Variants in IRF2 observed in about 807,000 individuals in gnomAD.
IRF2 encodes interferon regulatory factor 2.
A neutral mutation model predicts 40.6 loss-of-function variants in IRF2; 15 were observed. The ratio of observed to expected loss-of-function variants is 0.37; its 90% CI spans 0.25 to 0.57. The LOEUF is 0.57. IRF2 is among the 20% of genes least tolerant of loss of function. The probability of loss-of-function intolerance (pLI) is 0.77; values close to 1 mark genes in which losing one functional copy is unlikely to be tolerated. For missense variants in IRF2, 317 were observed against 455.7 expected, an observed-to-expected ratio of 0.70 and a Z score of 2.77; for synonymous variants, 151 against 165.5, an observed-to-expected ratio of 0.91 and a Z score of 0.67.
intron 1 of IRF2, among the ~76,000 whole-genome samples, chr4:184,434,727 G>A (rs12643218): frequency 0.32 from 48,983 of 152,040 alleles, 8,849 homozygotes; most frequent in South Asian, 0.46. Context: ...ATTGTGATTC[G>A]TAAGTCACGA....
intron 6 of IRF2, among the ~76,000 whole-genome samples, chr4:184,400,328 G>A (rs1050063879): frequency 2.6e-5 from 4 of 152,202 alleles, no homozygotes; most frequent in South Asian, 2.1e-4. Flanking sequence ...TAGACTTTTG[G>A]GGCTGGCTTT....
chr4:184,436,791 A>G (rs1738095612), intron 1 of IRF2, among the ~76,000 whole-genome samples: 2 of 152,218 alleles, frequency 1.3e-5, no homozygotes, highest in Admixed American at 6.5e-5. Flanking sequence ...CATAAGAGTC[A>G]CTGGTGTGTG....
intron 5 of IRF2, among the ~76,000 whole-genome samples, chr4:184,411,857 G>C (rs1737085494): frequency 6.6e-6 from 1 of 151,862 alleles, no homozygotes; most frequent in Admixed American, 6.6e-5. Flanking sequence ...CTCCTGCTTT[G>C]CTGCACCATA....
intron 2 of IRF2, 142 bp from the exon 3 acceptor site, chr4:184,419,710 T>G (rs543709965): frequency 3.2e-6 from 2 of 627,390 alleles, no homozygotes; most frequent in Admixed American, 2.9e-5. Context: ...GAAAATCTAC[T>G]GTAAACCAAA....
At chr4:184,444,530 A>G (rs76911134) in intron 1 of IRF2, among the ~76,000 whole-genome samples, 4,568 of 152,350 alleles carry the variant, frequency 0.03, 241 homozygotes, top group African/African-American at 0.1. Context: ...GTTGATATTT[A>G]ACAAATAATA....
chr4:184,392,444 GT>G (rs1423100861), intron 7 of IRF2, among the ~76,000 whole-genome samples: 3 of 152,252 alleles, frequency 2.0e-5, no homozygotes, highest in Non-Finnish European at 4.4e-5. Context: ...TCAGTGCCAT[GT>G]CAGAGGCTTT....
intron 6 of IRF2, among the ~76,000 whole-genome samples, chr4:184,404,832 G>A (rs1736792709): frequency 6.6e-6 from 1 of 152,180 alleles, no homozygotes; most frequent in African/African-American, 2.4e-5. Context: ...ACCTCACCAG[G>A]GTGACAGAGT....
At chr4:184,467,657 A>G (rs986192268) in intron 1 of IRF2, among the ~76,000 whole-genome samples, 8 of 152,270 alleles carry the variant, frequency 5.3e-5, no homozygotes, top group Admixed American at 4.6e-4. Context: ...TATTCTGTCT[A>G]CAGAGTACTT....
chr4:184,437,827 C>G (rs1339554781), intron 1 of IRF2, among the ~76,000 whole-genome samples: 4 of 86,206 alleles, frequency 4.6e-5, no homozygotes, highest in African/African-American at 2.5e-4. Context: ...GCTATTGGAA[C>G]GTACAAAAAA....
rs1455929932 is a variant in IRF2 at position 184,466,059 on chromosome 4, TG to T, written c.-7+8319del. 4.3e-4 allele frequency among the ~76,000 whole-genome samples: 48 copies of T among 111,266 alleles called. 1 individual carries two copies. The highest frequency in any genetic ancestry group is 1.4e-3 in the African/African-American group (43 of 31,628). The allele number at this position is 111,266 out of a possible 152,430, so 73.0% of individuals were successfully genotyped here. ...TAACTTGTCCCATCTGGTTGTTTTT[TG>T]TTTTTTGTTTTTTTTTTGAGATGAA... On this transcript the variant is annotated intron_variant, in intron 1 of 8. Coordinates refer to ENST00000393593, the MANE Select transcript of IRF2 (RefSeq NM_002199.4).
At chr4:184,449,421 T>C (rs1014268467) in intron 1 of IRF2, among the ~76,000 whole-genome samples, 8 of 152,232 alleles carry the variant, frequency 5.3e-5, no homozygotes, top group African/African-American at 1.4e-4. Flanking sequence ...AGAATCTCCA[T>C]GAGGACCAAA....
chr4:184,411,593 C>T (rs1579821347), intron 5 of IRF2, among the ~76,000 whole-genome samples: 1 of 121,404 alleles, frequency 8.2e-6, no homozygotes, highest in Non-Finnish European at 2.0e-5. Context: ...CAGCACCTCC[C>T]GAAACACCTC....
intron 1 of IRF2, among the ~76,000 whole-genome samples, chr4:184,462,854 C>G (rs1054190159): frequency 1.3e-5 from 2 of 152,188 alleles, no homozygotes; most frequent in African/African-American, 2.4e-5. Context: ...TCTGTGCCAC[C>G]CTTCCTGAGC....
At chr4:184,401,176 C>T (rs1269005223) in intron 6 of IRF2, among the ~76,000 whole-genome samples, 1 of 152,212 alleles carries the variant, frequency 6.6e-6, no homozygotes, top group East Asian at 1.9e-4. Flanking sequence ...AGACGCCAGG[C>T]GTCATGGAGA....
chr4:184,456,418 C>A (rs1192388193), intron 1 of IRF2, among the ~76,000 whole-genome samples: 6 of 152,196 alleles, frequency 3.9e-5, no homozygotes, highest in Admixed American at 3.9e-4. Context: ...GGGGTGGCGC[C>A]CGCGTGTCCG....
intron 5 of IRF2, among the ~76,000 whole-genome samples, chr4:184,414,141 G>A (rs1737178368): frequency 6.6e-6 from 1 of 152,224 alleles, no homozygotes; most frequent in South Asian, 2.1e-4. Flanking sequence ...CCATCACAGG[G>A]AGAACTCAGT....
At chr4:184,390,650 G>T in intron 8 of IRF2, 53 bp downstream of exon 8, 1 of 1,574,950 alleles carries the variant, frequency 6.3e-7, no homozygotes, top group Non-Finnish European at 8.7e-7. Flanking sequence ...GCCCGGAGCT[G>T]GTCGGGAGGC....
chr4:184,443,868 T>C (rs1738404693), intron 1 of IRF2, among the ~76,000 whole-genome samples: 1 of 152,236 alleles, frequency 6.6e-6, no homozygotes, highest in South Asian at 2.1e-4. Flanking sequence ...CCTGCTGAGA[T>C]GACAGCCCTA....
intron 6 of IRF2, among the ~76,000 whole-genome samples, chr4:184,405,192 C>T (rs556611403): frequency 6.6e-6 from 1 of 152,066 alleles, no homozygotes; most frequent in Non-Finnish European, 1.5e-5. Flanking sequence ...TGCAGTGAGC[C>T]GAGATTGTGC....
Sources: gnomAD v4.1 joint callset for allele counts (sites outside exome capture counted in the v4.1 genomes callset) on GRCh38, gnomAD v4.1.1 for gene constraint, MANE v1.5 for transcripts, NCBI Gene and HGNC (gene_info 2026-07-23, HGNC 2026-07-21) for gene names.